Variants in PTPRZ1 observed in about 807,000 individuals in gnomAD.
The protein encoded by PTPRZ1 is protein tyrosine phosphatase receptor type Z1.
Under a neutral mutation model 214.1 loss-of-function variants are expected in PTPRZ1, and 82 were observed. That is an observed-to-expected ratio of 0.38 (90% confidence interval 0.32 to 0.46). The LOEUF (loss-of-function observed/expected upper bound fraction) is 0.46. PTPRZ1 is among the 20% of genes least tolerant of loss of function. PTPRZ1 has a pLI of 1.00. For missense variants in PTPRZ1, 2,603 were observed against 2,748.7 expected, an observed-to-expected ratio of 0.95 and a Z score of 1.19; for synonymous variants, 945 against 987.9, an observed-to-expected ratio of 0.96 and a Z score of 0.81.
At chr7:121,908,374 T>TTA in intron 1 of PTPRZ1, 6 of 245,232 alleles carry the variant, frequency 2.4e-5, no homozygotes, top group Admixed American at 5.3e-5. Context: ...GAAAAGAATA[T>TTA]CAACTATACA....
rs1798672174 is a variant in PTPRZ1, at chr7:122,011,753, C to G, written c.2707C>G (p.Leu903Val). Residue 903 changes from leucine (L) to valine (V), a missense_variant, in exon 12 of 30, where the codon CTT becomes GTT. Physicochemically the swap from Leu to Val is conservative, Grantham distance 32 (BLOSUM62 1). Around this residue, in one of 6 missense-constraint regions of PTPRZ1, gnomAD observed 1,913 missense variants for 1,914.3 expected, o/e 1.00. Transcript: ENST00000393386. ...TGAATCTGGTGTTCTTTATAAAACGCTTATGTTTTCTCAAGTTGAACCACC... is the reference window on the plus strand; with the variant it reads ...TGAATCTGGTGTTCTTTATAAAACGGTTATGTTTTCTCAAGTTGAACCACC... The part of the protein sequence containing the change: ...GSESGVLYKT[L>V]MFSQVEPPSS... 1.1e-5 allele frequency: 18 copies of G among 1,614,076 alleles called. No individual in the cohort carries two copies. The highest frequency in any genetic ancestry group is 1.5e-5 in the Non-Finnish European group (18 of 1,179,966).
intron 2 of PTPRZ1, among the ~76,000 whole-genome samples, chr7:121,938,165 C>T (rs949348601): frequency 2.0e-5 from 3 of 152,090 alleles, no homozygotes; most frequent in African/African-American, 7.2e-5. Context: ...GAAATCCTCT[C>T]CATAAATGTA....
intron 6 of PTPRZ1, among the ~76,000 whole-genome samples, chr7:121,978,134 G>A (rs1797498773): frequency 6.6e-6 from 1 of 152,102 alleles, no homozygotes. Context: ...AATATCTACT[G>A]TCTGAAAGCC....
chr7:121,953,665 C>G (rs1796624127), intron 2 of PTPRZ1, among the ~76,000 whole-genome samples: 1 of 152,222 alleles, frequency 6.6e-6, no homozygotes, highest in South Asian at 2.1e-4. Context: ...TGGTGCCTCT[C>G]TGGCCACACT....
intron 11 of PTPRZ1, 71 bp downstream of exon 11, chr7:122,004,731 T>A: frequency 1.1e-6 from 1 of 882,278 alleles, no homozygotes; most frequent in Non-Finnish European, 1.8e-6. Context: ...GCTTGGGTGT[T>A]AGGTATTGCC....
intron 23 of PTPRZ1, among the ~76,000 whole-genome samples, chr7:122,050,898 T>A (rs927031907): frequency 6.6e-6 from 1 of 152,156 alleles, no homozygotes; most frequent in African/African-American, 2.4e-5. Context: ...GTCACACATG[T>A]GCACATTAAG....
intron 1 of PTPRZ1, among the ~76,000 whole-genome samples, chr7:121,900,773 C>A (rs575896333): frequency 6.6e-6 from 1 of 152,246 alleles, no homozygotes; most frequent in African/African-American, 2.4e-5. Flanking sequence ...TTAATAGGCA[C>A]TGTAAAAGGC....
chr7:122,031,508 A>G lies in PTPRZ1; in HGVS notation c.5115A>G (p.Pro1705=), dbSNP rs1285238838. 2 of 1,611,546 alleles carry G rather than the reference A, an allele frequency of 1.2e-6. No homozygotes were observed. The highest frequency in any genetic ancestry group is 3.3e-5 in the Admixed American group (2 of 59,934). The part of the protein sequence containing the change: ...DVGAIPIKHF[P]KHVADLHASS... ...GAGCAATTCCAATAAAGCACTTTCCAAAGCATGTTGCAGATTTACATGCAA... is the reference window on the plus strand; with the variant it reads ...GAGCAATTCCAATAAAGCACTTTCCGAAGCATGTTGCAGATTTACATGCAA... Residue 1705 remains proline (P), a synonymous_variant, in exon 15 of 30, where the codon CCA becomes CCG. Transcript: ENST00000393386.
rs561724861 is a variant in PTPRZ1 at position 121,947,238 on chromosome 7, T to C, written c.124+19017T>C. On this transcript the variant is annotated intron_variant, in intron 2 of 29. Coordinates refer to ENST00000393386, the MANE Select transcript of PTPRZ1 (RefSeq NM_002851.3). Reference sequence around the variant, plus strand: ...AAAGTCTGTTCTGTACTTGAACCTTTTCTCTAAGTTTAAAATTATAAAAAA... The same window carrying C: ...AAAGTCTGTTCTGTACTTGAACCTTCTCTCTAAGTTTAAAATTATAAAAAA... 2.5e-4 allele frequency among the ~76,000 whole-genome samples: 38 copies of C among 149,418 alleles called. No individual in the cohort carries two copies. The South Asian group carries it at 6.6e-3, about 26-fold the overall frequency.
intron 27 of PTPRZ1, 50 bp downstream of exon 27, chr7:122,055,137 A>G (rs1289063577): frequency 1.4e-6 from 2 of 1,384,854 alleles, no homozygotes; most frequent in South Asian, 3.0e-5. Flanking sequence ...CACATGTTAA[A>G]CATATTCTGA....
chr7:121,909,000 A>G, intron 1 of PTPRZ1: 2 of 513,540 alleles, frequency 3.9e-6, no homozygotes, highest in South Asian at 2.9e-5. Flanking sequence ...ATTATTTCTG[A>G]TTATTCGATG....
intron 8 of PTPRZ1, among the ~76,000 whole-genome samples, chr7:121,996,175 C>G (rs1301190142): frequency 6.6e-6 from 1 of 152,076 alleles, no homozygotes; most frequent in Admixed American, 6.6e-5. Context: ...GAATGGAAAG[C>G]TGGGATTTGA....
At chr7:121,967,018 G>A (rs1443361022) in intron 2 of PTPRZ1, 1 of 152,068 alleles carries the variant, frequency 6.6e-6, no homozygotes, top group East Asian at 1.9e-4. Flanking sequence ...CAGAGACTTG[G>A]ACTCTCAATA....
chr7:121,957,141 A>C (rs1796732870), intron 2 of PTPRZ1, among the ~76,000 whole-genome samples: 2 of 152,082 alleles, frequency 1.3e-5, no homozygotes, highest in African/African-American at 4.8e-5. Context: ...TGCCAGTATC[A>C]TCTTTTCCCT....
chr7:121,958,812 A>T (rs1796787270), intron 2 of PTPRZ1, among the ~76,000 whole-genome samples: 1 of 151,982 alleles, frequency 6.6e-6, no homozygotes. Context: ...CTTCAAAATG[A>T]CATCTTTTGT....
intron 1 of PTPRZ1, among the ~76,000 whole-genome samples, chr7:121,893,787 A>G (rs1340442968): frequency 2.6e-5 from 4 of 152,292 alleles, no homozygotes; most frequent in Middle Eastern, 6.8e-3. Context: ...CCCTGTAACA[A>G]CTTCTTAATG....
intron 1 of PTPRZ1, among the ~76,000 whole-genome samples, chr7:121,887,072 A>G (rs546041489): frequency 8.3e-5 from 9 of 108,022 alleles, no homozygotes; most frequent in African/African-American, 3.3e-4. Flanking sequence ...GTGCTAACAC[A>G]TCATTGTCCC....
chr7:121,898,271 T>TC (rs1794861521), intron 1 of PTPRZ1, among the ~76,000 whole-genome samples: 3 of 151,856 alleles, frequency 2.0e-5, no homozygotes, highest in South Asian at 2.1e-4. Context: ...GGTTTTTTTT[T>TC]TCATGTTCTA....
intron 1 of PTPRZ1, among the ~76,000 whole-genome samples, chr7:121,900,886 G>A (rs1794936725): frequency 6.6e-6 from 1 of 152,106 alleles, no homozygotes; most frequent in Non-Finnish European, 1.5e-5. Flanking sequence ...TGAACGATGT[G>A]CCAATCACTG....
Sources: gnomAD v4.1 joint callset for allele counts (sites outside exome capture counted in the v4.1 genomes callset) on GRCh38, gnomAD v4.1.1 for gene constraint, gnomAD v4.1.1 regional missense constraint, MANE v1.5 for transcripts, NCBI Gene and HGNC (gene_info 2026-07-23, HGNC 2026-07-21) for gene names.